Variants in SUMF1 observed in about 807,000 individuals in gnomAD.
SUMF1 encodes sulfatase modifying factor 1, also known as formylglycine-generating enzyme.
A neutral mutation model predicts 47.6 loss-of-function variants in SUMF1; 48 were observed. The observed-to-expected ratio is 1.01, with a 90% CI of 0.80 to 1.28. The LOEUF is 1.28. Among genes scored for constraint, SUMF1 ranks in the 50% most tolerant of loss-of-function variants. SUMF1 has a pLI of 0.00. For missense variants in SUMF1, 571 were observed against 485.4 expected, an observed-to-expected ratio of 1.18 and a Z score of -1.66; for synonymous variants, 230 against 192.1, an observed-to-expected ratio of 1.20 and a Z score of -1.63.
chr3:4,136,802 G>C (rs1399991508), intron 8 of SUMF1, among the ~76,000 whole-genome samples: 1 of 151,404 alleles, frequency 6.6e-6, no homozygotes, highest in Non-Finnish European at 1.5e-5. Context: ...CCATCAAAAA[G>C]TGGGCAAAGG....
chr3:4,233,528 G>A (rs529391812), intron 8 of SUMF1, among the ~76,000 whole-genome samples: 19 of 152,208 alleles, frequency 1.2e-4, no homozygotes, highest in African/African-American at 4.6e-4. Context: ...AATTTGGTGT[G>A]TGTGGTTTTT....
chr3:4,370,462 A>C (rs970200630), intron 8 of SUMF1, among the ~76,000 whole-genome samples: 3 of 152,236 alleles, frequency 2.0e-5, no homozygotes, highest in African/African-American at 4.8e-5. Flanking sequence ...GTTGAATGGC[A>C]TATTTCTACC....
intron 7 of SUMF1, among the ~76,000 whole-genome samples, chr3:4,383,110 G>A (rs577030638): frequency 6.6e-6 from 1 of 152,212 alleles, no homozygotes; most frequent in South Asian, 2.1e-4. Flanking sequence ...CGGGCGCAGT[G>A]GCTCATGCCT....
At chr3:4,162,110 C>G (rs1240109940) in intron 8 of SUMF1, among the ~76,000 whole-genome samples, 2 of 152,082 alleles carry the variant, frequency 1.3e-5, no homozygotes, top group Non-Finnish European at 2.9e-5. Flanking sequence ...CATTTGAGAG[C>G]TAGGGCCTGG....
chr3:4,426,713 C>G (rs1209015777), intron 3 of SUMF1, among the ~76,000 whole-genome samples: 2 of 152,200 alleles, frequency 1.3e-5, no homozygotes, highest in Non-Finnish European at 2.9e-5. Context: ...GGACTGGCAT[C>G]TATGATAAAC....
At chr3:4,265,212 C>A (rs974450272) in intron 8 of SUMF1, among the ~76,000 whole-genome samples, 4 of 151,470 alleles carry the variant, frequency 2.6e-5, no homozygotes, top group Admixed American at 1.3e-4. Flanking sequence ...CAGGAAGATC[C>A]CTGGTTGTGT....
At chr3:4,128,688 G>C (rs1428434042) in intron 8 of SUMF1, among the ~76,000 whole-genome samples, 1 of 152,092 alleles carries the variant, frequency 6.6e-6, no homozygotes, top group Admixed American at 6.5e-5. Context: ...AACTGCTTGA[G>C]TTTATATAAA....
intron 8 of SUMF1, among the ~76,000 whole-genome samples, chr3:4,222,296 A>C (rs1051876456): frequency 6.6e-6 from 1 of 152,074 alleles, no homozygotes; most frequent in Non-Finnish European, 1.5e-5. Context: ...TTTGGCCAGC[A>C]CCATACTGTG....
chr3:4,063,589 T>C (rs1695315553), intron 9 of SUMF1, among the ~76,000 whole-genome samples: 1 of 151,488 alleles, frequency 6.6e-6, no homozygotes, highest in Non-Finnish European at 1.5e-5. Context: ...AAACCCAACC[T>C]GTCCTTTCCC....
At chr3:4,254,168 CAG>C (rs1696886067) in intron 8 of SUMF1, among the ~76,000 whole-genome samples, 1 of 151,978 alleles carries the variant, frequency 6.6e-6, no homozygotes, top group South Asian at 2.1e-4. Flanking sequence ...GGGGAAAAAA[CAG>C]AACAGAAAAA....
chr3:4,230,463 A>C (rs1387455927), intron 8 of SUMF1, among the ~76,000 whole-genome samples: 2 of 152,068 alleles, frequency 1.3e-5, no homozygotes, highest in Admixed American at 1.3e-4. Flanking sequence ...ACTTATATTT[A>C]TTGGTTTATT....
chr3:4,244,079 AT>A (rs1235862639), intron 8 of SUMF1, among the ~76,000 whole-genome samples: 1 of 152,012 alleles, frequency 6.6e-6, no homozygotes, highest in Non-Finnish European at 1.5e-5. Flanking sequence ...TAGGATTGCA[AT>A]CCCTGCTTTT....
At chr3:4,298,291 G>A (rs1362332801) in intron 8 of SUMF1, among the ~76,000 whole-genome samples, 2 of 152,118 alleles carry the variant, frequency 1.3e-5, no homozygotes, top group African/African-American at 4.8e-5. Context: ...CAGGTTTCTA[G>A]ACCCCGAAAA....
intron 8 of SUMF1, among the ~76,000 whole-genome samples, chr3:4,243,259 T>G (rs989664394): frequency 6.6e-6 from 1 of 152,338 alleles, no homozygotes; most frequent in African/African-American, 2.4e-5. Flanking sequence ...GGTCTCTACC[T>G]CCTTCAGTTT....
chr3:4,165,030 G>A (rs967169183), intron 8 of SUMF1, among the ~76,000 whole-genome samples: 12 of 152,036 alleles, frequency 7.9e-5, no homozygotes, highest in South Asian at 2.1e-4. Context: ...TCCAGTCCCC[G>A]TGATCTGAGT....
At chr3:4,055,966 C>T (rs1277809913) in intron 9 of SUMF1, among the ~76,000 whole-genome samples, 2 of 152,160 alleles carry the variant, frequency 1.3e-5, no homozygotes, top group African/African-American at 4.8e-5. Flanking sequence ...CCAGCAATAA[C>T]AGGCCAAGAC....
At chr3:4,312,784 T>C (rs1698461700) in intron 8 of SUMF1, 2 of 1,233,634 alleles carry the variant, frequency 1.6e-6, no homozygotes, top group Non-Finnish European at 2.2e-6. Context: ...TTGACAGTTT[T>C]GTCCTGTTTT....
At chr3:4,091,966 G>T (rs924627077) in intron 8 of SUMF1, among the ~76,000 whole-genome samples, 1 of 151,628 alleles carries the variant, frequency 6.6e-6, no homozygotes, top group Admixed American at 6.6e-5. Context: ...AATACATTTA[G>T]GCACTTAGTC....
chr3:4,271,110 T>C (rs1373516344), intron 8 of SUMF1, among the ~76,000 whole-genome samples: 1 of 152,204 alleles, frequency 6.6e-6, no homozygotes, highest in Non-Finnish European at 1.5e-5. Flanking sequence ...GAAAGTGCTA[T>C]AGTCAGTCTG....
Sources: gnomAD v4.1 joint callset for allele counts (sites outside exome capture counted in the v4.1 genomes callset) on GRCh38, gnomAD v4.1.1 for gene constraint, MANE v1.5 for transcripts, NCBI Gene and HGNC (gene_info 2026-07-23, HGNC 2026-07-21) for gene names.